Variants in MYT1 observed in about 807,000 individuals in gnomAD.
MYT1 encodes the protein myelin transcription factor 1.
MYT1 carries 23 observed loss-of-function variants against 123.0 expected under a neutral mutation model. The ratio of observed to expected loss-of-function variants is 0.19; its 90% CI spans 0.13 to 0.26. The LOEUF (loss-of-function observed/expected upper bound fraction) is 0.26, where lower values mean the gene tolerates loss of function less well. Ranked by LOEUF, MYT1 falls within the 10% of genes least tolerant of loss-of-function variation. The pLI is 1.00. For synonymous variants in MYT1, 518 were observed against 575.3 expected, an observed-to-expected ratio of 0.90 and a Z score of 1.43; for missense variants, 1,125 against 1,472.5, an observed-to-expected ratio of 0.76 and a Z score of 3.86.
intron 19 of MYT1, among the ~76,000 whole-genome samples, chr20:64,234,931 C>T (rs1984459651): frequency 2.2e-5 from 3 of 139,416 alleles, no homozygotes; most frequent in African/African-American, 5.5e-5. Context: ...CTTGGCTGGC[C>T]ATGGTGGGTG....
Position 64,232,030 on chromosome 20 carries a change from G to A in MYT1, c.2676-134G>A, listed in dbSNP as rs1984334265. 8.5e-6 allele frequency: 7 copies of A among 823,056 alleles called. No individual in the cohort carries two copies. The highest frequency in any genetic ancestry group is 2.7e-5 in the East Asian group (1 of 37,500). The allele number at this position is 823,056 out of a possible 1,614,324, so 51.0% of individuals were successfully genotyped here. A position where few individuals can be genotyped will look rare whatever the true frequency, so the allele number is the denominator to read the frequency against. ...TTCCCTGAGGCTCCAGGACCTCAGCGGCCCTCCCTGCCTCACTCAGAAGCC... is the reference window on the plus strand; with the variant it reads ...TTCCCTGAGGCTCCAGGACCTCAGCAGCCCTCCCTGCCTCACTCAGAAGCC... On this transcript the variant is annotated intron_variant, in intron 18 of 22. Transcript: ENST00000328439. The surrounding 1 kb of genome is among the most constrained non-coding windows in gnomAD (Gnocchi z 6.9).
At chr20:64,220,844 T>G (rs1983981062) in intron 13 of MYT1, among the ~76,000 whole-genome samples, 3 of 93,970 alleles carry the variant, frequency 3.2e-5, no homozygotes, top group Non-Finnish European at 7.1e-5. Context: ...GGGTAGGGGC[T>G]GGATCAGGCC....
At chr20:64,222,114 G>T (rs1984024875) in intron 14 of MYT1, 67 bp downstream of exon 14, 2 of 1,567,760 alleles carry the variant, frequency 1.3e-6, no homozygotes, top group East Asian at 4.5e-5. Context: ...AACAGGCCCT[G>T]GTCCCAACCC....
At chr20:64,183,227 C>G (rs1469988252) in intron 1 of MYT1, among the ~76,000 whole-genome samples, 1 of 152,194 alleles carries the variant, frequency 6.6e-6, no homozygotes, top group African/African-American at 2.4e-5. Context: ...AACTTCATTC[C>G]TTTTTATTGC....
At chr20:64,169,259 C>T (rs552571962) in intron 1 of MYT1, among the ~76,000 whole-genome samples, 27 of 152,292 alleles carry the variant, frequency 1.8e-4, no homozygotes, top group African/African-American at 6.3e-4. Flanking sequence ...CTGAGACTCT[C>T]GGACCGCAAA....
At chr20:64,240,194 T>G in intron 22 of MYT1, 126 bp from the exon 23 acceptor site, 2 of 1,352,764 alleles carry the variant, frequency 1.5e-6, no homozygotes, top group Non-Finnish European at 2.0e-6. Context: ...CGCCCAGTGC[T>G]GCCTCTGGTT....
In MYT1 at chr20:64,185,010, G is replaced by A. The variant is rs745360097; in HGVS notation, c.-98-5053G>A. ...TCACGTGCCCTGTGAACATGAAGCC[G>A]CCTGTTGTTCCAGTAGAGGGATGTG... On this transcript the variant is annotated intron_variant, in intron 1 of 22. Coordinates refer to ENST00000328439, the MANE Select transcript of MYT1 (RefSeq NM_004535.3). This position sits in a 1 kb window ranked among gnomAD's most constrained non-coding sequence, Gnocchi z 4.5. 2.6e-5 allele frequency among the ~76,000 whole-genome samples: 4 copies of A among 152,320 alleles called. No individual in the cohort carries two copies. Among genetic ancestry groups the A allele is most frequent in the South Asian group, 2.1e-4 (1 of 4,820 alleles).
Position 64,219,836 on chromosome 20 carries a change from G to A in MYT1, c.2095G>A (p.Asp699Asn), listed in dbSNP as rs1249325336. The part of the protein sequence containing the change: ...CSSSPGVKSP[D>N]ASQRHSSTSA... ...CAGCAGCCCCGGTGTGAAGTCTCCC[G>A]ACGCCTCCCAGCGCCACAGCAGCAC... is the stretch of plus-strand genomic sequence containing the variant. The change falls in exon 13 of 23, where the codon GAC becomes AAC. Residue 699 changes from aspartate to asparagine, a missense_variant. Transcript: ENST00000328439. The A allele has an allele frequency of 3.1e-6, 5 of 1,611,616 alleles. No individual in the cohort carries two copies. Among genetic ancestry groups the A allele is most frequent in the East Asian group, 2.2e-5 (1 of 44,864 alleles).
chr20:64,227,844 C>A (rs753068382), intron 17 of MYT1, 44 bp from the exon 18 acceptor site: 2 of 1,562,536 alleles, frequency 1.3e-6, no homozygotes, highest in Middle Eastern at 1.7e-4. Context: ...TGAGAAGCTG[C>A]GGTTCCAGCA....
At chr20:64,178,144 T>C (rs577426069) in intron 1 of MYT1, among the ~76,000 whole-genome samples, 1 of 152,162 alleles carries the variant, frequency 6.6e-6, no homozygotes, top group African/African-American at 2.4e-5. Context: ...TAAATCACAG[T>C]CCCCCATCCT....
intron 1 of MYT1, among the ~76,000 whole-genome samples, chr20:64,187,053 G>T (rs1227206277): frequency 6.8e-6 from 1 of 147,288 alleles, no homozygotes; most frequent in Admixed American, 6.7e-5. Context: ...CGGCATCCAC[G>T]TTTCCGTGGA....
intron 18 of MYT1, among the ~76,000 whole-genome samples, chr20:64,228,767 A>G (rs1311628950): frequency 6.6e-6 from 1 of 152,352 alleles, no homozygotes; most frequent in East Asian, 1.9e-4. Context: ...TTTGCCCAGG[A>G]CCGAGGTACT....
intron 10 of MYT1, among the ~76,000 whole-genome samples, chr20:64,216,838 C>T (rs1227163706): frequency 6.6e-6 from 1 of 152,230 alleles, no homozygotes; most frequent in Non-Finnish European, 1.5e-5. Context: ...CTATTGCTTC[C>T]TCCCTGCAGG....
intron 2 of MYT1, among the ~76,000 whole-genome samples, chr20:64,195,354 CTGTGTGTGTGTGTGTGTGTGTGTG>C (rs5741790): frequency 9.1e-5 from 9 of 98,836 alleles, no homozygotes; most frequent in Non-Finnish European, 5.7e-5. Context: ...ATGGTGAGAA[CTGTGTGTGTGTGTGTGTGTGTGTG>C]TGTGTGTGTG....
rs752851552 is a variant in MYT1, at chr20:64,207,729, C to A, written c.533C>A (p.Thr178Asn). The change falls in exon 7 of 23, where the codon ACC becomes AAC. Residue 178 changes from threonine to asparagine, a missense_variant. Physicochemically the swap from Thr to Asn is moderately conservative, Grantham distance 65. Coordinates refer to ENST00000328439, the MANE Select transcript of MYT1 (RefSeq NM_004535.3). ...AACTTGGGTCAAATTGCTGAAGAGA[C>A]CCTGGTGGAAGAGGACTTGGGCCAG... ...LLNLGQIAEE[T>N]LVEEDLGQAA... The A allele has an allele frequency of 2.5e-6, 4 of 1,613,902 alleles. No individual in the cohort carries two copies. In the African/African-American group the frequency reaches 4.0e-5, roughly 16 times the overall value.
chr20:64,223,588 GGGGGCTA>G (rs1456366384), intron 16 of MYT1, among the ~76,000 whole-genome samples: 1 of 152,058 alleles, frequency 6.6e-6, no homozygotes, highest in Non-Finnish European at 1.5e-5. Flanking sequence ...CCTCTCCGCT[GGGGGCTA>G]GGGGTCGCTG....
At chr20:64,176,831 G>A (rs562324909) in intron 1 of MYT1, among the ~76,000 whole-genome samples, 1 of 152,206 alleles carries the variant, frequency 6.6e-6, no homozygotes, top group Admixed American at 6.5e-5. Flanking sequence ...CCTGGGCTGG[G>A]CACACTCCTC....
chr20:64,187,405 G>A (rs1470737475), intron 1 of MYT1, among the ~76,000 whole-genome samples: 1 of 151,124 alleles, frequency 6.6e-6, no homozygotes, highest in Non-Finnish European at 1.5e-5. Flanking sequence ...CGTGGCCCCG[G>A]CATCCACGTT....
At chr20:64,224,772 A>G (rs1297371185) in intron 16 of MYT1, among the ~76,000 whole-genome samples, 2 of 151,838 alleles carry the variant, frequency 1.3e-5, no homozygotes, top group African/African-American at 4.8e-5. Context: ...CTTTTCCGTG[A>G]TTAGTCTCCA....
Sources: allele counts gnomAD v4.1 joint callset (sites outside exome capture counted in the v4.1 genomes callset), GRCh38; gene constraint gnomAD v4.1.1; non-coding constraint Gnocchi (gnomAD v3.1); transcripts MANE v1.5; gene names NCBI Gene and HGNC (gene_info 2026-07-23, HGNC 2026-07-21).